Variants in VAV3 observed in about 807,000 individuals in gnomAD.
VAV3 encodes the protein vav guanine nucleotide exchange factor 3, also known as guanine nucleotide exchange factor VAV3.
Under a neutral mutation model 131.2 loss-of-function variants are expected in VAV3, and 94 were observed. That is an observed-to-expected ratio of 0.72 (90% CI 0.61 to 0.85). VAV3 has a LOEUF of 0.85. Ranked by LOEUF, VAV3 falls within the 40% of genes least tolerant of loss-of-function variation. VAV3 has a pLI of 0.00. For missense variants in VAV3, 939 were observed against 1,002.7 expected, an observed-to-expected ratio of 0.94 and a Z score of 0.86; for synonymous variants, 349 against 342.0, an observed-to-expected ratio of 1.02 and a Z score of -0.22.
At chr1:107,679,462 A>AC (rs1658450386) in intron 19 of VAV3, among the ~76,000 whole-genome samples, 1 of 152,192 alleles carries the variant, frequency 6.6e-6, no homozygotes, top group Non-Finnish European at 1.5e-5. Context: ...AGGCAGCACA[A>AC]CACAGAATGG....
At chr1:107,930,278 T>C (rs574930446) in intron 1 of VAV3, among the ~76,000 whole-genome samples, 4 of 152,262 alleles carry the variant, frequency 2.6e-5, no homozygotes, top group Admixed American at 6.5e-5. Flanking sequence ...TATCAAAATA[T>C]CTCATGTAAT....
chr1:107,775,532 C>T (rs1337066480), intron 4 of VAV3, among the ~76,000 whole-genome samples: 7 of 119,132 alleles, frequency 5.9e-5, no homozygotes, highest in Non-Finnish European at 1.1e-4. Context: ...GAGCTGAGAT[C>T]GTGCCATCGC....
intron 24 of VAV3, among the ~76,000 whole-genome samples, chr1:107,599,422 T>C (rs1310131238): frequency 6.6e-6 from 1 of 152,206 alleles, no homozygotes; most frequent in East Asian, 1.9e-4. Flanking sequence ...TATCTCACAC[T>C]GACACAGCAG....
chr1:107,715,123 A>T (rs1055876307), intron 15 of VAV3, among the ~76,000 whole-genome samples: 8 of 152,260 alleles, frequency 5.3e-5, no homozygotes, highest in African/African-American at 1.7e-4. Context: ...TAGTTTCCTC[A>T]CCAATCAAAG....
intron 1 of VAV3, among the ~76,000 whole-genome samples, chr1:107,877,279 A>T (rs1011790941): frequency 3.3e-5 from 5 of 152,206 alleles, no homozygotes; most frequent in South Asian, 2.1e-4. Context: ...CTACCAAGAC[A>T]GATAATAATT....
In VAV3 at chr1:107,874,741, T is replaced by TG. The variant is rs10632859; in HGVS notation, c.321+159_321+160insC. Among the ~76,000 whole-genome samples, 685 of 148,146 alleles carry TG rather than the reference T, an allele frequency of 4.6e-3. 5 individuals are homozygous for TG. Among genetic ancestry groups the TG allele is most frequent in the African/African-American group, 0.016 (642 of 40,142 alleles). ...TGTGGGGTTTCTTTTTTGTTGTTGTTTTTTGGTTTTTGGTTTTGCTAAGCC... is the reference window on the plus strand; with the variant it reads ...TGTGGGGTTTCTTTTTTGTTGTTGTTGTTTTGGTTTTTGGTTTTGCTAAGCC... On this transcript the variant is annotated intron_variant, in intron 2 of 26. Coordinates refer to ENST00000370056, the MANE Select transcript of VAV3 (RefSeq NM_006113.5).
At chr1:107,691,133 ACAC>A (rs1277345280) in intron 17 of VAV3, among the ~76,000 whole-genome samples, 1 of 152,148 alleles carries the variant, frequency 6.6e-6, no homozygotes, top group African/African-American at 2.4e-5. Flanking sequence ...TCCTTTATAA[ACAC>A]AATCTAAACT....
intron 2 of VAV3, among the ~76,000 whole-genome samples, chr1:107,837,506 T>C (rs1487896514): frequency 6.6e-6 from 1 of 152,102 alleles, no homozygotes; most frequent in African/African-American, 2.4e-5. Flanking sequence ...AAACTAGCAA[T>C]GTCATTTTTC....
intron 25 of VAV3, among the ~76,000 whole-genome samples, chr1:107,578,463 T>C (rs1305622387): frequency 6.6e-6 from 1 of 152,218 alleles, no homozygotes; most frequent in Admixed American, 6.5e-5. Context: ...TCCATTTTAA[T>C]GAGCAAATGA....
intron 15 of VAV3, among the ~76,000 whole-genome samples, chr1:107,744,322 TAC>T (rs1356529101): frequency 6.6e-6 from 1 of 152,238 alleles, no homozygotes; most frequent in Non-Finnish European, 1.5e-5. Context: ...AGGCACTTAT[TAC>T]ACAGTCGAGA....
At chr1:107,837,558 A>C (rs1302944904) in intron 2 of VAV3, among the ~76,000 whole-genome samples, 1 of 151,778 alleles carries the variant, frequency 6.6e-6, no homozygotes, top group Non-Finnish European at 1.5e-5. Context: ...ATATGGAACC[A>C]AAAAAGAGCC....
At position 107,802,532 on chromosome 1, in the gene VAV3, G is replaced by A. The variant is rs1360348675; in HGVS notation, c.322-23040C>T. ...TATGTTCCTTCTATTCTTAACGTTT[G>A]TTGAGGATTTTTATCATAAAGTGAT... is the stretch of plus-strand genomic sequence containing the variant. On this transcript the variant is annotated intron_variant, in intron 2 of 26. Transcript: ENST00000370056. 4.6e-5 allele frequency among the ~76,000 whole-genome samples: 7 copies of A among 152,032 alleles called. No homozygotes were observed. The East Asian group carries it at 5.8e-4, about 13-fold the overall frequency.
chr1:107,785,813 T>C (rs1665950006), intron 2 of VAV3, among the ~76,000 whole-genome samples: 1 of 152,228 alleles, frequency 6.6e-6, no homozygotes, highest in Non-Finnish European at 1.5e-5. Context: ...CACCAGGTTA[T>C]CTGACAATTA....
chr1:107,585,359 G>A (rs1650400049), intron 25 of VAV3, among the ~76,000 whole-genome samples: 1 of 151,800 alleles, frequency 6.6e-6, no homozygotes, highest in Non-Finnish European at 1.5e-5. Flanking sequence ...CTATTTTCAT[G>A]GTTTTTTTTA....
At chr1:107,946,450 C>G (rs1674264750) in intron 1 of VAV3, among the ~76,000 whole-genome samples, 1 of 152,196 alleles carries the variant, frequency 6.6e-6, no homozygotes, top group Non-Finnish European at 1.5e-5. Context: ...CTTTGGAAAT[C>G]TGTGCTTTTT....
At position 107,930,665 on chromosome 1, in the gene VAV3, T is replaced by C. The variant is rs1181120649; in HGVS notation, c.204+34001A>G. ...CCACCATTTTGCAAGTCCTAAAAAA[T>C]TGTTTTAGGCAAAGATTAATAATAA... On this transcript the variant is annotated intron_variant, in intron 1 of 26. Coordinates refer to ENST00000370056, the MANE Select transcript of VAV3 (RefSeq NM_006113.5). Among the ~76,000 whole-genome samples, 4 of 152,152 alleles carry C rather than the reference T, an allele frequency of 2.6e-5. No homozygotes were observed. In the South Asian group the frequency reaches 6.2e-4, roughly 24 times the overall value.
chr1:107,946,343 G>A (rs952954008), intron 1 of VAV3, among the ~76,000 whole-genome samples: 49 of 152,316 alleles, frequency 3.2e-4, no homozygotes, highest in Admixed American at 9.8e-4. Context: ...AATAGATTGA[G>A]AGGGGTTAAG....
chr1:107,924,685 T>C (rs1673068156), intron 1 of VAV3, among the ~76,000 whole-genome samples: 1 of 152,194 alleles, frequency 6.6e-6, no homozygotes, highest in South Asian at 2.1e-4. Flanking sequence ...AACAGTGCCT[T>C]CATATCTATT....
At chr1:107,938,268 C>A (rs1322920549) in intron 1 of VAV3, among the ~76,000 whole-genome samples, 2 of 152,156 alleles carry the variant, frequency 1.3e-5, no homozygotes, top group Non-Finnish European at 2.9e-5. Context: ...ACCTTCTATC[C>A]TTCAGGCACT....
Sources: allele counts gnomAD v4.1 joint callset (sites outside exome capture counted in the v4.1 genomes callset), GRCh38; gene constraint gnomAD v4.1.1; transcripts MANE v1.5; gene names NCBI Gene and HGNC (gene_info 2026-07-23, HGNC 2026-07-21).